RGN: variants seen among roughly 807,000 people sequenced by gnomAD.
The protein encoded by RGN is regucalcin, also known as epididymis secretory protein Li 41.
In RGN, 19 loss-of-function variants were observed where a neutral mutation model predicts 20.6. The ratio of observed to expected loss-of-function variants is 0.92; its 90% CI spans 0.64 to 1.35. The LOEUF is 1.35. RGN is among the 40% of genes most tolerant of loss of function. The pLI is 0.00. For synonymous variants in RGN, 85 were observed against 87.2 expected (o/e 0.97, Z 0.14); for missense variants, 302 against 232.7 (o/e 1.30, Z -1.94).
In RGN at chrX:47,081,187, C is replaced by T. The variant is rs782549710; in HGVS notation, c.43C>T (p.Arg15Trp). The T allele has an allele frequency of 1.5e-5, 18 of 1,202,693 alleles. No individual in the cohort carries two copies. Among genetic ancestry groups the T allele is most frequent in the African/African-American group, 1.4e-4 (8 of 56,985 alleles). The change falls in exon 3 of 8, where the codon CGG becomes TGG. Residue 15 changes from arginine (R) to tryptophan (W), a missense_variant. Transcript: ENST00000397180. The part of the protein sequence containing the change: ...KIECVLPENC[R>W]CGESPVWEEV... Reference sequence around the variant, plus strand: ...TGAGTGTGTTTTGCCAGAGAACTGCCGGTGTGGTGAGTCTCCAGTATGGGA... The same window carrying T: ...TGAGTGTGTTTTGCCAGAGAACTGCTGGTGTGGTGAGTCTCCAGTATGGGA...
intron 5 of RGN, among the ~76,000 whole-genome samples, chrX:47,090,920 GA>G (rs72115972): frequency 0.19 from 1,416 of 7,384 alleles, 277 homozygotes; most frequent in Non-Finnish European, 0.27. Flanking sequence ...AAGAAGGAAA[GA>G]AAGAAAGAAA....
At chrX:47,085,343 AC>A (rs1257483459) in intron 4 of RGN, among the ~76,000 whole-genome samples, 3 of 110,277 alleles carry the variant, frequency 2.7e-5, no homozygotes, top group Admixed American at 9.7e-5. Flanking sequence ...ACACGGTGAA[AC>A]CCCGTCTCTA....
intron 3 of RGN, among the ~76,000 whole-genome samples, chrX:47,081,617 G>A (rs183142600): frequency 1.8e-5 from 2 of 109,664 alleles, no homozygotes; most frequent in African/African-American, 6.6e-5. Context: ...GTGTGATCAC[G>A]GCTCACTGCA....
intron 4 of RGN, among the ~76,000 whole-genome samples, chrX:47,089,530 T>TTAAATATA (rs1569540550): frequency 5.7e-5 from 3 of 52,535 alleles, no homozygotes; most frequent in Non-Finnish European, 1.0e-4. Flanking sequence ...TTATATATAC[T>TTAAATATA]CATATATATA....
chrX:47,089,620 C>T (rs1556386358), intron 4 of RGN, among the ~76,000 whole-genome samples, 156 bp from the exon 5 acceptor site: 1 of 48,915 alleles, frequency 2.0e-5, no homozygotes. Flanking sequence ...CACACACACA[C>T]ACACACACAC....
intron 4 of RGN, among the ~76,000 whole-genome samples, chrX:47,086,776 AG>A (rs1556384516): frequency 2.8e-5 from 3 of 105,410 alleles, no homozygotes; most frequent in Non-Finnish European, 3.9e-5. Flanking sequence ...AGAGAGAGAG[AG>A]AGAGAGAAAG....
intron 3 of RGN, among the ~76,000 whole-genome samples, chrX:47,083,548 C>G (rs1930441838): frequency 8.9e-6 from 1 of 112,025 alleles, no homozygotes; most frequent in African/African-American, 3.2e-5. Flanking sequence ...TTTTACCATG[C>G]TTACTTCCAA....
In RGN at chrX:47,093,218, C is replaced by T. The variant is rs139038506; in HGVS notation, c.*271C>T. On this transcript the variant is annotated 3_prime_UTR_variant, in exon 8 of 8. Coordinates refer to ENST00000397180, the MANE Select transcript of RGN (RefSeq NM_152869.4). ...AGCCTCTTGATTCTTTGTAAATTGCCAGGGTGGGTGGGTACATATCTCTTC... is the reference window on the plus strand; with the variant it reads ...AGCCTCTTGATTCTTTGTAAATTGCTAGGGTGGGTGGGTACATATCTCTTC... 4.0e-3 allele frequency: 1,360 copies of T among 338,504 alleles called. 22 individuals carry two copies. The highest frequency in any genetic ancestry group is 0.033 in the African/African-American group (1,244 of 37,571). The allele number at this position is 338,504 out of a possible 1,213,427, so 27.9% of individuals were successfully genotyped here.
chrX:47,090,909 G>GAAGAAAGAAAGAAAGA (rs1569540707), intron 5 of RGN, among the ~76,000 whole-genome samples: 2 of 17,014 alleles, frequency 1.2e-4, no homozygotes, highest in African/African-American at 3.2e-4. Flanking sequence ...AAGAAAGAAA[G>GAAGAAAGAAAGAAAGA]AAGAAGGAAA....
At position 47,092,901 on chromosome X, in the gene RGN, C is replaced by T. The variant is rs782683374; in HGVS notation, c.854C>T (p.Thr285Ile). The change falls in exon 8 of 8, where the codon ACT (threonine) becomes ATT (isoleucine). Residue 285 changes from threonine to isoleucine, a missense_variant. Physicochemically the swap from Thr to Ile is moderately conservative, Grantham distance 89. Coordinates refer to ENST00000397180, the MANE Select transcript of RGN (RefSeq NM_152869.4). Reference protein sequence around the residue: ...QPEAGGIFKITGLGVKGIAPY... With the variant: ...QPEAGGIFKIIGLGVKGIAPY... ...CCCTCTTTTCTTTTTCAACAGATAACTGGTCTGGGGGTCAAAGGAATTGCT... is the reference window on the plus strand; with the variant it reads ...CCCTCTTTTCTTTTTCAACAGATAATTGGTCTGGGGGTCAAAGGAATTGCT... The T allele has an allele frequency of 4.1e-5, 49 of 1,203,506 alleles. No homozygotes were observed. In the South Asian group the frequency reaches 7.8e-4, roughly 19 times the overall value.
chrX:47,087,870 GTAT>G (rs1372268599), intron 4 of RGN, among the ~76,000 whole-genome samples: 1 of 97,571 alleles, frequency 1.0e-5, no homozygotes, highest in Non-Finnish European at 2.0e-5. Flanking sequence ...TTATAATATA[GTAT>G]TATAATTATA....
chrX:47,091,822 C>T lies in RGN; in HGVS notation c.694+13C>T. 2 of 1,198,828 alleles carry T rather than the reference C, an allele frequency of 1.7e-6. No individual in the cohort carries two copies. The highest frequency in any genetic ancestry group is 4.7e-4 in the Middle Eastern group (2 of 4,284). The stretch of plus-strand genomic sequence containing the variant: ...GATCCTGTGACAGGTAGGCCTGCAG[C>T]AAAATGAAAAATCCTTGTCATGGCT... On this transcript the variant is annotated intron_variant, in intron 6 of 7. Transcript: ENST00000397180.
intron 5 of RGN, among the ~76,000 whole-genome samples, chrX:47,090,969 A>G (rs781963425): frequency 1.8e-5 from 2 of 108,322 alleles, no homozygotes; most frequent in Admixed American, 2.0e-4. Context: ...AGAAAGAAAG[A>G]AAGAAAGAAA....
At chrX:47,086,775 GA>G (rs1930615325) in intron 4 of RGN, among the ~76,000 whole-genome samples, 8 of 103,804 alleles carry the variant, frequency 7.7e-5, no homozygotes, top group African/African-American at 2.6e-4. Context: ...GAGAGAGAGA[GA>G]GAGAGAGAAA....
chrX:47,084,515 A>G lies in RGN; in HGVS notation c.261A>G (p.Ala87=), dbSNP rs782563287. The G allele has an allele frequency of 8.3e-7, 1 of 1,205,764 alleles. No homozygotes were observed. The highest frequency in any genetic ancestry group is 1.8e-5 in the South Asian group (1 of 55,746). ...CTTTGAACTGGAAAGAACAATCAGC[A>G]GTTGTCTTGGCCACGGTGGATAACG... The part of the protein sequence containing the change: ...FCALNWKEQS[A]VVLATVDNDK... The change falls in exon 4 of 8, where the codon GCA becomes GCG. Residue 87 remains alanine (A), a synonymous_variant. Transcript: ENST00000397180.
intron 1 of RGN, among the ~76,000 whole-genome samples, chrX:47,079,575 C>A (rs1930206262): frequency 9.3e-6 from 1 of 107,433 alleles, no homozygotes; most frequent in Admixed American, 1.0e-4. Context: ...GGATTACAGG[C>A]ACCCGCCACT....
intron 5 of RGN, among the ~76,000 whole-genome samples, chrX:47,090,910 AAG>A (rs1491576882): frequency 0.042 from 774 of 18,258 alleles, 36 homozygotes; most frequent in African/African-American, 0.11. Flanking sequence ...AGAAAGAAAG[AAG>A]AAGGAAAGAA....
In RGN at chrX:47,091,778, A is replaced by C. The variant is rs1214560599; in HGVS notation, c.663A>C (p.Gly221=). Reference sequence around the variant, plus strand: ...AGCTCTGGGTGGCCTGTTACAATGGAGGAAGAGTGATTCGTTTAGATCCTG... The same window carrying C: ...AGCTCTGGGTGGCCTGTTACAATGGCGGAAGAGTGATTCGTTTAGATCCTG... ...EGKLWVACYN[G]GRVIRLDPVT... The change falls in exon 6 of 8, where the codon GGA becomes GGC. Residue 221 remains glycine (G), a synonymous_variant. Transcript: ENST00000397180. 3 of 1,208,839 alleles carry C rather than the reference A, an allele frequency of 2.5e-6. No homozygotes were observed. Among genetic ancestry groups the C allele is most frequent in the Non-Finnish European group, 3.4e-6 (3 of 894,808 alleles).
At chrX:47,083,613 G>C (rs1181551693) in intron 3 of RGN, among the ~76,000 whole-genome samples, 1 of 111,330 alleles carries the variant, frequency 9.0e-6, no homozygotes, top group Non-Finnish European at 1.9e-5. Flanking sequence ...GGGCCCCTTA[G>C]AAAAGACGAA....
Sources: gnomAD v4.1 joint callset for allele counts (sites outside exome capture counted in the v4.1 genomes callset) on GRCh38, gnomAD v4.1.1 for gene constraint, MANE v1.5 for transcripts, NCBI Gene and HGNC (gene_info 2026-07-23, HGNC 2026-07-21) for gene names.